The following COL4A3 variants were observed in gnomAD, a reference collection of about 807,000 sequenced individuals.
COL4A3 encodes the protein collagen type IV alpha 3 chain, also known as collagen alpha-3(IV) chain.
COL4A3 carries 135 observed loss-of-function variants against 217.4 expected under a neutral mutation model. The observed-to-expected ratio is 0.62, with a 90% CI of 0.54 to 0.72. The LOEUF (loss-of-function observed/expected upper bound fraction) is 0.72. COL4A3 is among the 30% of genes least tolerant of loss of function. The probability of loss-of-function intolerance (pLI) is 0.00; values close to 1 mark genes in which losing one functional copy is unlikely to be tolerated. For missense variants in COL4A3, 1,868 were observed against 2,119.9 expected (o/e 0.88, Z 2.33); for synonymous variants, 690 against 736.3 (o/e 0.94, Z 1.02).
At chr2:227,251,508 G>C in intron 11 of COL4A3, 137 bp downstream of exon 11, 1 of 753,252 alleles carries the variant, frequency 1.3e-6, no homozygotes, top group Non-Finnish European at 2.3e-6. Flanking sequence ...GGAAGAGCAT[G>C]GCTAGCTGCT....
chr2:227,195,078 A>C (rs1298113469), intron 1 of COL4A3, among the ~76,000 whole-genome samples: 1 of 152,162 alleles, frequency 6.6e-6, no homozygotes, highest in Admixed American at 6.5e-5. Context: ...AATTGTTATA[A>C]GTGAATTTTT....
rs1360044663 is a variant in COL4A3, at chr2:227,250,487, G to C, written c.547-653G>C. On this transcript the variant is annotated intron_variant, in intron 9 of 51. Transcript: ENST00000396578. The surrounding 1 kb of genome is among the most constrained non-coding windows in gnomAD (Gnocchi z 4.1). ...GTCTCTTGAGCCTAGTTATAGGCCA[G>C]CCTGGGCAACACAGCAAGACCCAGT... is the stretch of plus-strand genomic sequence containing the variant. 1.3e-5 allele frequency among the ~76,000 whole-genome samples: 2 copies of C among 152,102 alleles called. No individual in the cohort carries two copies. The highest frequency in any genetic ancestry group is 4.8e-5 in the African/African-American group (2 of 41,418).
chr2:227,286,597 ACT>A (rs368583574), intron 34 of COL4A3, among the ~76,000 whole-genome samples: 228 of 152,216 alleles, frequency 1.5e-3, no homozygotes, highest in Non-Finnish European at 2.5e-3. Context: ...GCCCAATGAC[ACT>A]CTGATAGGAA....
chr2:227,234,948 G>C (rs1035741911), intron 1 of COL4A3, among the ~76,000 whole-genome samples: 4 of 152,228 alleles, frequency 2.6e-5, no homozygotes, highest in African/African-American at 9.6e-5. Context: ...AGAAGAATCA[G>C]AGGTGATCAT....
chr2:227,227,673 T>G (rs6714835), intron 1 of COL4A3: 65,129 of 151,908 alleles, frequency 0.43, 15,248 homozygotes, highest in Non-Finnish European at 0.54. Flanking sequence ...TTCTCATCTA[T>G]TAGATGGAGC....
chr2:227,247,048 C>CTGAGACTTAGCTCCAGCAG (rs2069392021), intron 7 of COL4A3, among the ~76,000 whole-genome samples: 1 of 152,142 alleles, frequency 6.6e-6, no homozygotes, highest in South Asian at 2.1e-4. Context: ...GGGCTTAGAA[C>CTGAGACTTAGCTCCAGCAG]TGAGACTTAG....
chr2:227,255,428 G>T (rs936974096), intron 15 of COL4A3, among the ~76,000 whole-genome samples: 7 of 152,070 alleles, frequency 4.6e-5, no homozygotes, highest in African/African-American at 1.4e-4. Flanking sequence ...ATTTGGAAAA[G>T]TAAAATCTAC....
chr2:227,308,868 G>C (rs751672010), intron 48 of COL4A3, 31 bp from the exon 49 acceptor site: 3 of 1,607,868 alleles, frequency 1.9e-6, no homozygotes, highest in Non-Finnish European at 1.7e-6. Context: ...TTAACTTACT[G>C]AAAGTGATAC....
At chr2:227,224,553 C>G (rs542637776) in intron 1 of COL4A3, among the ~76,000 whole-genome samples, 43 of 152,268 alleles carry the variant, frequency 2.8e-4, no homozygotes, top group African/African-American at 1.0e-3. Flanking sequence ...GAGTTCAAGA[C>G]CAGCCTGTCC....
chr2:227,192,777 A>G (rs1183487478), intron 1 of COL4A3, among the ~76,000 whole-genome samples: 1 of 152,218 alleles, frequency 6.6e-6, no homozygotes, highest in African/African-American at 2.4e-5. Flanking sequence ...ATCCTTGACG[A>G]ATCGAGTCAA....
intron 21 of COL4A3, among the ~76,000 whole-genome samples, chr2:227,266,088 A>G (rs532915400): frequency 6.6e-6 from 1 of 152,166 alleles, no homozygotes; most frequent in African/African-American, 2.4e-5. Context: ...TAGAACTACA[A>G]TTCAAGATGA....
At chr2:227,263,977 C>A in intron 21 of COL4A3, 33 bp downstream of exon 21, 1 of 1,613,542 alleles carries the variant, frequency 6.2e-7, no homozygotes, top group South Asian at 1.1e-5. Context: ...CTTTTGTGCA[C>A]AGTGCCAAAT....
At chr2:227,216,534 CAG>C (rs2067535783) in intron 1 of COL4A3, among the ~76,000 whole-genome samples, 1 of 151,980 alleles carries the variant, frequency 6.6e-6, no homozygotes, top group Non-Finnish European at 1.5e-5. Flanking sequence ...GAAGAGGTAT[CAG>C]AGAGCTATAG....
chr2:227,166,585 A>G (rs540175214), intron 1 of COL4A3, among the ~76,000 whole-genome samples: 1 of 152,336 alleles, frequency 6.6e-6, no homozygotes, highest in Admixed American at 6.5e-5. Context: ...TTATTTTTAC[A>G]TGTAAACTTT....
chr2:227,297,715 C>A lies in COL4A3; in HGVS notation c.3607C>A (p.Pro1203Thr). The change falls in exon 42 of 52, where the codon CCG becomes ACG. Residue 1203 changes from proline to threonine, a missense_variant. Around this residue, in one of 2 missense-constraint regions of COL4A3, gnomAD observed 1,503 missense variants for 1,786.1 expected, o/e 0.84. Transcript: ENST00000396578. ...GGGAGCCCCAGGTTTTCCTGGCCTC[C>A]CGGGCAGAAAAGGGGCCATGGGAGA... ...DRGAPGFPGL[P>T]GRKGAMGDAG... is the part of the protein sequence containing the mutation. 6.2e-7 allele frequency: 1 copy of A among 1,608,658 alleles called. No homozygotes were observed. The highest frequency in any genetic ancestry group is 8.5e-7 in the Non-Finnish European group (1 of 1,178,168).
chr2:227,200,219 T>C (rs913154078), intron 1 of COL4A3, among the ~76,000 whole-genome samples: 1 of 152,234 alleles, frequency 6.6e-6, no homozygotes, highest in Non-Finnish European at 1.5e-5. Context: ...AGTGTGTATG[T>C]GTAGATACAA....
At position 227,277,479 on chromosome 2, in the gene COL4A3, A is replaced by C. The variant is rs1227180382; in HGVS notation, c.2051A>C (p.Asp684Ala). ...GIPGSLGKCG[D>A]PGLPGPDGEP... is the part of the protein sequence containing the mutation. ...CCTGGATCCCTGGGGAAATGTGGAG[A>C]TCCTGGTCTTCCAGGGCCTGATGGT... Residue 684 changes from aspartate (D) to alanine (A), a missense_variant, in exon 28 of 52, where the codon GAT becomes GCT. Physicochemically the swap from Asp to Ala is moderately radical, Grantham distance 126. This residue lies in a region of COL4A3 where 1,503 missense variants were observed against 1,786.1 expected (regional missense o/e 0.84). Coordinates refer to ENST00000396578, the MANE Select transcript of COL4A3 (RefSeq NM_000091.5). 2 of 1,612,702 alleles carry C rather than the reference A, an allele frequency of 1.2e-6. No homozygotes were observed. Among genetic ancestry groups the C allele is most frequent in the African/African-American group, 2.7e-5 (2 of 74,874 alleles).
chr2:227,261,206 G>A (rs2070542072), intron 20 of COL4A3, 89 bp downstream of exon 20: 1 of 1,155,250 alleles, frequency 8.7e-7, no homozygotes, highest in African/African-American at 1.5e-5. Context: ...ATTTACATAA[G>A]ACAAATGTTT....
chr2:227,257,175 T>C (rs28435317), intron 17 of COL4A3, among the ~76,000 whole-genome samples: 15,835 of 152,216 alleles, frequency 0.1, 1,624 homozygotes, highest in African/African-American at 0.27. Context: ...GAGTCAAGAT[T>C]TACCCTTTAA....
Sources: gnomAD v4.1 joint callset for allele counts (sites outside exome capture counted in the v4.1 genomes callset) on GRCh38, gnomAD v4.1.1 for gene constraint, gnomAD v4.1.1 regional missense constraint, Gnocchi (gnomAD v3.1) non-coding constraint, MANE v1.5 for transcripts, NCBI Gene and HGNC (gene_info 2026-07-23, HGNC 2026-07-21) for gene names.